Variants in NIPAL2 observed in about 807,000 individuals in gnomAD.
NIPAL2 encodes NIPA like domain containing 2, also known as NIPA-like protein 2.
NIPAL2 carries 43 observed loss-of-function variants against 48.9 expected under a neutral mutation model. That is an observed-to-expected ratio of 0.88 (90% CI 0.69 to 1.13). The LOEUF is 1.13. Ranked by LOEUF, NIPAL2 falls within the 50% of genes most tolerant of loss-of-function variation. The pLI is 0.00. For missense variants in NIPAL2, 446 were observed against 461.4 expected, an observed-to-expected ratio of 0.97 and a Z score of 0.31; for synonymous variants, 167 against 174.6, an observed-to-expected ratio of 0.96 and a Z score of 0.34.
intron 3 of NIPAL2, among the ~76,000 whole-genome samples, chr8:98,243,505 T>C (rs945532382): frequency 4.6e-5 from 7 of 152,200 alleles, no homozygotes; most frequent in African/African-American, 1.7e-4. Context: ...CCTCGGTTTG[T>C]CCTTCATTCA....
intron 3 of NIPAL2, among the ~76,000 whole-genome samples, chr8:98,237,313 A>G (rs1812770140): frequency 6.6e-6 from 1 of 151,788 alleles, no homozygotes; most frequent in Non-Finnish European, 1.5e-5. Flanking sequence ...CGACCTCCCA[A>G]AGTATTGGGA....
chr8:98,280,757 T>TAGAGAGAGAGAG (rs1225269994), intron 1 of NIPAL2, among the ~76,000 whole-genome samples: 29 of 29,302 alleles, frequency 9.9e-4, no homozygotes, highest in Admixed American at 2.5e-3. Flanking sequence ...TATATATATA[T>TAGAGAGAGAGAG]ATATAGAGAG....
chr8:98,273,177 A>G (rs902314146), intron 1 of NIPAL2, among the ~76,000 whole-genome samples: 1 of 152,230 alleles, frequency 6.6e-6, no homozygotes, highest in African/African-American at 2.4e-5. Flanking sequence ...AAGATTATTC[A>G]GCCATAAAAG....
intron 1 of NIPAL2, among the ~76,000 whole-genome samples, chr8:98,269,718 G>T (rs1313593299): frequency 6.6e-6 from 1 of 152,038 alleles, no homozygotes; most frequent in Admixed American, 6.6e-5. Flanking sequence ...GATTCAGGGG[G>T]TACATGTGCA....
chr8:98,241,399 A>C (rs963690492), intron 3 of NIPAL2, among the ~76,000 whole-genome samples: 2 of 152,266 alleles, frequency 1.3e-5, no homozygotes, highest in Non-Finnish European at 2.9e-5. Flanking sequence ...AGGAAGAAGT[A>C]AAGTCAGTAC....
rs1020194423 is a variant in NIPAL2 at position 98,193,302 on chromosome 8, T to C, written c.1040-212A>G. On this transcript the variant is annotated intron_variant, in intron 10 of 10. Coordinates refer to ENST00000430223, the MANE Select transcript of NIPAL2 (RefSeq NM_001321635.2). ...AGCGAATTGTCTGTGTCAGAGCCACTATCCCCACCCCACAGGATCTACATG... is the reference window on the plus strand; with the variant it reads ...AGCGAATTGTCTGTGTCAGAGCCACCATCCCCACCCCACAGGATCTACATG... The C allele has an allele frequency of 3.4e-6, 5 of 1,492,046 alleles. No individual in the cohort carries two copies. In the South Asian group the frequency reaches 3.4e-5, roughly 10 times the overall value. 92.4% of individuals were successfully genotyped at this position (1,492,046 alleles called of 1,614,324 possible). A position where few individuals can be genotyped will look rare whatever the true frequency, so the allele number is the denominator to read the frequency against.
At chr8:98,229,940 A>G (rs770955884) in intron 4 of NIPAL2, among the ~76,000 whole-genome samples, 12 of 152,336 alleles carry the variant, frequency 7.9e-5, no homozygotes, top group South Asian at 2.1e-4. Context: ...TGTATAGTAT[A>G]TGACATATAA....
chr8:98,293,942 C>T, intron 1 of NIPAL2, 61 bp downstream of exon 1: 7 of 1,345,526 alleles, frequency 5.2e-6, no homozygotes, highest in Non-Finnish European at 6.7e-6. Flanking sequence ...CAGAGGCGCC[C>T]GGAGCCAGCC....
intron 6 of NIPAL2, among the ~76,000 whole-genome samples, chr8:98,209,377 G>A (rs1417484253): frequency 6.7e-6 from 1 of 150,330 alleles, no homozygotes; most frequent in Admixed American, 6.6e-5. Context: ...GGGAAGGTGA[G>A]GCAGGAGGAT....
At position 98,192,907 on chromosome 8, in the gene NIPAL2, C is replaced by T; in HGVS notation, c.*71G>A. 1 of 919,060 alleles carries T rather than the reference C, an allele frequency of 1.1e-6. No homozygotes were observed. Among genetic ancestry groups the T allele is most frequent in the Non-Finnish European group, 1.8e-6 (1 of 558,552 alleles). 56.9% of individuals were successfully genotyped at this position (919,060 alleles called of 1,614,324 possible). A position where few individuals can be genotyped will look rare whatever the true frequency, so the allele number is the denominator to read the frequency against. Reference sequence around the variant, plus strand: ...TTAGCTTATAAAAGAGCTGCTGACACAAATTGAACATGTGCAATTTTTTAA... The same window carrying T: ...TTAGCTTATAAAAGAGCTGCTGACATAAATTGAACATGTGCAATTTTTTAA... On this transcript the variant is annotated 3_prime_UTR_variant, in exon 11 of 11. Transcript: ENST00000430223.
At chr8:98,222,723 C>G (rs1188855891) in intron 4 of NIPAL2, 123 bp from the exon 5 acceptor site, 1 of 904,756 alleles carries the variant, frequency 1.1e-6, no homozygotes, top group Non-Finnish European at 1.7e-6. Flanking sequence ...CTATTATACT[C>G]CGTTTCATCA....
At chr8:98,202,862 C>G (rs1810866828) in intron 8 of NIPAL2, among the ~76,000 whole-genome samples, 1 of 152,172 alleles carries the variant, frequency 6.6e-6, no homozygotes, top group African/African-American at 2.4e-5. Flanking sequence ...TAAGAAAACA[C>G]TTTCTACTTA....
At chr8:98,249,516 C>T (rs560782688) in intron 3 of NIPAL2, among the ~76,000 whole-genome samples, 21 of 150,620 alleles carry the variant, frequency 1.4e-4, no homozygotes, top group East Asian at 3.9e-4. Context: ...ATATGTCATA[C>T]GTATATACAT....
chr8:98,254,004 A>G lies in NIPAL2; in HGVS notation c.204+15T>C, dbSNP rs758423108. 1 of 1,575,318 alleles carries G rather than the reference A, an allele frequency of 6.3e-7. No individual in the cohort carries two copies. The highest frequency in any genetic ancestry group is 1.1e-5 in the South Asian group (1 of 89,446). ...GATCAATCTATAGTGTTAGAAAAAT[A>G]AGCTTTTTTCTTACCTGAATATTTA... On this transcript the variant is annotated intron_variant, in intron 2 of 10. Transcript: ENST00000430223.
At chr8:98,258,617 T>C (rs1369599069) in intron 1 of NIPAL2, among the ~76,000 whole-genome samples, 1 of 152,178 alleles carries the variant, frequency 6.6e-6, no homozygotes, top group Non-Finnish European at 1.5e-5. Context: ...CTTAGGAGTA[T>C]GTGCCTGTAA....
rs190205030 is a variant in NIPAL2, at chr8:98,225,492, T to G, written c.437-2892A>C. The stretch of plus-strand genomic sequence containing the variant: ...ATTTCTGACTTAGGAAACTTGTTAG[T>G]TTACCTTCTGCTGGCCCATTTGCCG... On this transcript the variant is annotated intron_variant, in intron 4 of 10. Transcript: ENST00000430223. 1.7e-3 allele frequency among the ~76,000 whole-genome samples: 264 copies of G among 152,332 alleles called. 1 individual carries two copies. The highest frequency in any genetic ancestry group is 5.8e-3 in the African/African-American group (240 of 41,570).
Position 98,252,498 on chromosome 8 carries a change from G to A in NIPAL2, c.341C>T (p.Thr114Ile). 1 of 1,613,986 alleles carries A rather than the reference G, an allele frequency of 6.2e-7. No homozygotes were observed. Among genetic ancestry groups the A allele is most frequent in the Non-Finnish European group, 8.5e-7 (1 of 1,179,980 alleles). Residue 114 changes from threonine (T) to isoleucine (I), a missense_variant, in exon 3 of 11, where the codon ACT becomes ATT. Physicochemically the swap from Thr to Ile is moderately conservative, Grantham distance 89. Transcript: ENST00000430223. Reference sequence around the variant, plus strand: ...CACACAGCCTAACGGAGCGATCAGAGTAATGGGAGCAAATCCATAGGCTGC... The same window carrying A: ...CACACAGCCTAACGGAGCGATCAGAATAATGGGAGCAAATCCATAGGCTGC... ...NFAAYGFAPI[T>I]LIAPLGCVSV...
Position 98,192,927 on chromosome 8 carries a change from T to A in NIPAL2, c.*51A>T. ...TGACACAAATTGAACATGTGCAATT[T>A]TTTAAAAAGGTGGTATCGAATAACA... On this transcript the variant is annotated 3_prime_UTR_variant, in exon 11 of 11. Coordinates refer to ENST00000430223, the MANE Select transcript of NIPAL2 (RefSeq NM_001321635.2). 8.6e-7 allele frequency: 1 copy of A among 1,166,000 alleles called. No homozygotes were observed. The highest frequency in any genetic ancestry group is 1.2e-5 in the South Asian group (1 of 81,952). 72.2% of individuals were successfully genotyped at this position (1,166,000 alleles called of 1,614,324 possible).
chr8:98,221,598 G>A (rs902450125), intron 5 of NIPAL2, among the ~76,000 whole-genome samples: 2 of 151,786 alleles, frequency 1.3e-5, no homozygotes, highest in East Asian at 1.9e-4. Flanking sequence ...CAGAATGTAC[G>A]GTTTTGTTAC....
Sources: allele counts gnomAD v4.1 joint callset (sites outside exome capture counted in the v4.1 genomes callset), GRCh38; gene constraint gnomAD v4.1.1; transcripts MANE v1.5; gene names NCBI Gene and HGNC (gene_info 2026-07-23, HGNC 2026-07-21).